The following UNC13C variants were observed in gnomAD, a reference collection of about 807,000 sequenced individuals.
The protein encoded by UNC13C is unc-13 homolog C.
UNC13C carries 174 observed loss-of-function variants against 245.4 expected under a neutral mutation model. The observed-to-expected ratio is 0.71, with a 90% confidence interval of 0.63 to 0.80. The LOEUF is 0.80. Ranked by LOEUF, UNC13C falls within the 30% of genes least tolerant of loss-of-function variation. UNC13C has a pLI of 0.00. For synonymous variants in UNC13C, 992 were observed against 895.1 expected (o/e 1.11, Z -1.93); for missense variants, 2,829 against 2,602.9 (o/e 1.09, Z -1.89).
At chr15:54,044,565 G>T (rs1042027257) in intron 2 of UNC13C, 10 of 173,682 alleles carry the variant, frequency 5.8e-5, no homozygotes, top group Non-Finnish European at 1.3e-5. Context: ...GGCGGGGTGG[G>T]GGGTGTGGGG....
intron 19 of UNC13C, among the ~76,000 whole-genome samples, chr15:54,435,209 A>G (rs941097969): frequency 1.3e-5 from 2 of 152,146 alleles, no homozygotes; most frequent in African/African-American, 4.8e-5. Flanking sequence ...ATACCATTTG[A>G]CCCAGCAATC....
chr15:54,258,924 G>A (rs973899804), intron 8 of UNC13C, among the ~76,000 whole-genome samples: 6 of 152,158 alleles, frequency 3.9e-5, no homozygotes, highest in Non-Finnish European at 7.3e-5. Context: ...ATAAATTGGG[G>A]GGCTTATAAA....
intron 4 of UNC13C, among the ~76,000 whole-genome samples, chr15:54,226,471 G>A (rs1477141693): frequency 6.6e-6 from 1 of 152,174 alleles, no homozygotes; most frequent in Non-Finnish European, 1.5e-5. Flanking sequence ...GGTCCTTGGA[G>A]TGTCAATTTG....
rs145777185 is a variant in UNC13C, at chr15:54,492,835, G to A, written c.4934-1773G>A. 3.0e-4 allele frequency among the ~76,000 whole-genome samples: 46 copies of A among 152,258 alleles called. No homozygotes were observed. In the East Asian group the frequency reaches 8.1e-3, roughly 27 times the overall value. On this transcript the variant is annotated intron_variant, in intron 19 of 32. Coordinates refer to ENST00000260323, the MANE Select transcript of UNC13C (RefSeq NM_001080534.3). ...GCAATGGTACAACCCGCAAACCTTG[G>A]TAGCATTTGGACATTGTCACCTTTT...
At chr15:54,022,418 C>T (rs1895940676) in intron 2 of UNC13C, among the ~76,000 whole-genome samples, 1 of 152,106 alleles carries the variant, frequency 6.6e-6, no homozygotes, top group Non-Finnish European at 1.5e-5. Flanking sequence ...AGAGATTCTC[C>T]TGCCTCAGCT....
At chr15:54,206,672 A>G (rs1314919754) in intron 4 of UNC13C, among the ~76,000 whole-genome samples, 1 of 152,082 alleles carries the variant, frequency 6.6e-6, no homozygotes, top group Non-Finnish European at 1.5e-5. Flanking sequence ...CCAGACAGTA[A>G]ATTGTATTAA....
intron 2 of UNC13C, among the ~76,000 whole-genome samples, chr15:54,125,404 G>C (rs1001579931): frequency 1.3e-5 from 2 of 152,026 alleles, no homozygotes; most frequent in African/African-American, 4.8e-5. Context: ...CGGAGGTTGC[G>C]GTGAACTGAG....
chr15:54,219,911 A>G (rs1329913621), intron 4 of UNC13C, among the ~76,000 whole-genome samples: 2 of 151,656 alleles, frequency 1.3e-5, no homozygotes, highest in Non-Finnish European at 2.9e-5. Context: ...AACTCACACC[A>G]GTTAGAATGG....
Position 54,062,755 on chromosome 15 carries a change from A to G in UNC13C, c.2983+46869A>G, listed in dbSNP as rs569551367. On this transcript the variant is annotated intron_variant, in intron 2 of 32. Coordinates refer to ENST00000260323, the MANE Select transcript of UNC13C (RefSeq NM_001080534.3). Reference sequence around the variant, plus strand: ...GAAACTCTACTGGTAGAACCCAGGAATCTGTTGTTCAATAAGCCCTTCAGG... The same window carrying G: ...GAAACTCTACTGGTAGAACCCAGGAGTCTGTTGTTCAATAAGCCCTTCAGG... 3.3e-5 allele frequency among the ~76,000 whole-genome samples: 5 copies of G among 152,320 alleles called. No homozygotes were observed. The South Asian group carries it at 1.0e-3, about 32-fold the overall frequency.
chr15:54,546,860 T>C lies in UNC13C; in HGVS notation c.5820+15T>C, dbSNP rs1228171936. The C allele has an allele frequency of 1.9e-6, 3 of 1,563,536 alleles. No homozygotes were observed. The African/African-American group carries it at 4.1e-5, about 22-fold the overall frequency. ...CAGATCAAACAGTAAGTATATAAAG[T>C]TTAGTTATGCTTTCATTAACCCATC... On this transcript the variant is annotated intron_variant, in intron 27 of 32. Coordinates refer to ENST00000260323, the MANE Select transcript of UNC13C (RefSeq NM_001080534.3).
the UNC13C span, among the ~76,000 whole-genome samples, chr15:53,958,958 C>A: frequency 6.6e-6 from 1 of 152,114 alleles, no homozygotes; most frequent in Non-Finnish European, 1.5e-5. Context: ...ACCCTGCTTG[C>A]CCTCACAGCC....
chr15:54,320,912 T>G, intron 13 of UNC13C: 1 of 345,382 alleles, frequency 2.9e-6, no homozygotes. Context: ...TGTTGTAGCT[T>G]CCACTACTTC....
intron 17 of UNC13C, among the ~76,000 whole-genome samples, chr15:54,372,151 T>C (rs1004351741): frequency 2.0e-5 from 3 of 152,170 alleles, no homozygotes; most frequent in Non-Finnish European, 4.4e-5. Context: ...ATTAAAAAGC[T>C]TGATTTAGTC....
intron 20 of UNC13C, among the ~76,000 whole-genome samples, chr15:54,498,246 A>G (rs1894042935): frequency 6.6e-6 from 1 of 152,110 alleles, no homozygotes; most frequent in Non-Finnish European, 1.5e-5. Flanking sequence ...TATTGTTATT[A>G]GGAACACATG....
chr15:54,457,264 T>G (rs1221619484), intron 19 of UNC13C, among the ~76,000 whole-genome samples: 2 of 152,292 alleles, frequency 1.3e-5, no homozygotes, highest in South Asian at 4.1e-4. Context: ...TTGACATGCT[T>G]TTGGATTCAG....
At chr15:54,073,736 T>C (rs7171295) in intron 2 of UNC13C, among the ~76,000 whole-genome samples, 71,076 of 152,008 alleles carry the variant, frequency 0.47, 18,555 homozygotes, top group Non-Finnish European at 0.6. Flanking sequence ...GTTGTTTTTT[T>C]CTTGTAAATT....
intron 18 of UNC13C, among the ~76,000 whole-genome samples, chr15:54,393,658 G>T (rs73417776): frequency 0.048 from 7,270 of 151,832 alleles, 499 homozygotes; most frequent in African/African-American, 0.15. Context: ...TTTTCACAAA[G>T]TATAATCTAA....
At chr15:54,450,150 C>G (rs1446848362) in intron 19 of UNC13C, among the ~76,000 whole-genome samples, 1 of 152,136 alleles carries the variant, frequency 6.6e-6, no homozygotes, top group Non-Finnish European at 1.5e-5. Flanking sequence ...CAGAGGGCTA[C>G]CCAGCCACGA....
intron 1 of UNC13C, among the ~76,000 whole-genome samples, chr15:53,987,595 T>C (rs1264013321): frequency 1.3e-5 from 2 of 152,006 alleles, no homozygotes; most frequent in Non-Finnish European, 2.9e-5. Context: ...TAGTTACCTT[T>C]TGCTTACAGT....
Sources: gnomAD v4.1 joint callset for allele counts (sites outside exome capture counted in the v4.1 genomes callset) on GRCh38, gnomAD v4.1.1 for gene constraint, MANE v1.5 for transcripts, NCBI Gene and HGNC (gene_info 2026-07-23, HGNC 2026-07-21) for gene names.